The following GRIK1 variants were observed in gnomAD, a reference collection of about 807,000 sequenced individuals.
GRIK1 encodes the protein glutamate ionotropic receptor kainate type subunit 1.
Under a neutral mutation model 105.7 loss-of-function variants are expected in GRIK1, and 69 were observed. The ratio of observed to expected loss-of-function variants is 0.65; its 90% CI spans 0.54 to 0.80. GRIK1 has a LOEUF of 0.80. GRIK1 is among the 30% of genes least tolerant of loss of function. The pLI is 0.00. For synonymous variants in GRIK1, 438 were observed against 431.3 expected, an observed-to-expected ratio of 1.02 and a Z score of -0.19; for missense variants, 1,109 against 1,167.3, an observed-to-expected ratio of 0.95 and a Z score of 0.73.
intron 1 of GRIK1, among the ~76,000 whole-genome samples, chr21:29,840,017 T>A (rs1346859756): frequency 6.6e-6 from 1 of 152,164 alleles, no homozygotes; most frequent in Non-Finnish European, 1.5e-5. Context: ...TAATGGTCAG[T>A]GATGCTCAAG....
At chr21:29,875,399 T>C (rs1452247830) in intron 1 of GRIK1, among the ~76,000 whole-genome samples, 1 of 152,164 alleles carries the variant, frequency 6.6e-6, no homozygotes, top group Non-Finnish European at 1.5e-5. Context: ...AGTGGTCTTG[T>C]TTTCAATTTC....
intron 7 of GRIK1, among the ~76,000 whole-genome samples, chr21:29,614,567 C>T (rs1465312754): frequency 1.3e-5 from 2 of 150,966 alleles, no homozygotes; most frequent in Non-Finnish European, 2.9e-5. Flanking sequence ...GCATGCAACA[C>T]TACATCCAGC....
intron 14 of GRIK1, among the ~76,000 whole-genome samples, chr21:29,576,316 G>C (rs1313767096): frequency 6.6e-6 from 1 of 152,176 alleles, no homozygotes; most frequent in Non-Finnish European, 1.5e-5. Context: ...CCTCAACAAT[G>C]AAATGCCCTT....
Position 29,869,835 on chromosome 21 carries a change from T to G in GRIK1, c.118+69548A>C, listed in dbSNP as rs147668217. Among the ~76,000 whole-genome samples, 3 of 152,332 alleles carry G rather than the reference T, an allele frequency of 2.0e-5. No homozygotes were observed. In the East Asian group the frequency reaches 5.8e-4, roughly 29 times the overall value. On this transcript the variant is annotated intron_variant, in intron 1 of 17. Coordinates refer to ENST00000327783, the MANE Select transcript of GRIK1 (RefSeq NM_001330994.2). ...CCACAGCTAGTAACCACTAACTTAATTACACTGTATTTTCTCACAATCTAT... is the reference window on the plus strand; with the variant it reads ...CCACAGCTAGTAACCACTAACTTAAGTACACTGTATTTTCTCACAATCTAT...
intron 7 of GRIK1, among the ~76,000 whole-genome samples, chr21:29,614,703 G>A (rs968596749): frequency 9.9e-5 from 15 of 151,372 alleles, no homozygotes; most frequent in African/African-American, 2.9e-4. Flanking sequence ...ATGAGCCACC[G>A]CGCCCAGCCC....
At chr21:29,622,194 G>A (rs561446890) in intron 7 of GRIK1, among the ~76,000 whole-genome samples, 4 of 152,140 alleles carry the variant, frequency 2.6e-5, no homozygotes, top group South Asian at 2.1e-4. Flanking sequence ...TGATCCACCC[G>A]TCTCAGCCTC....
Position 29,537,039 on chromosome 21 carries a change from A to T in GRIK1, c.*191T>A. 2.7e-6 allele frequency: 1 copy of T among 374,878 alleles called. No homozygotes were observed. Among genetic ancestry groups the T allele is most frequent in the Non-Finnish European group, 4.8e-6 (1 of 209,434 alleles). 23.2% of individuals were successfully genotyped at this position (374,878 alleles called of 1,614,324 possible). A position where few individuals can be genotyped will look rare whatever the true frequency, so the allele number is the denominator to read the frequency against. Reference sequence around the variant, plus strand: ...ATAATTGAGCATACAAATTTATTTTAAAAGAACTGGTGTCACTTCCCAAGT... The same window carrying T: ...ATAATTGAGCATACAAATTTATTTTTAAAGAACTGGTGTCACTTCCCAAGT... On this transcript the variant is annotated 3_prime_UTR_variant, in exon 18 of 18. Coordinates refer to ENST00000327783, the MANE Select transcript of GRIK1 (RefSeq NM_001330994.2).
intron 7 of GRIK1, among the ~76,000 whole-genome samples, chr21:29,620,481 A>T (rs1412931271): frequency 6.6e-6 from 1 of 152,116 alleles, no homozygotes; most frequent in Non-Finnish European, 1.5e-5. Context: ...TTTAAACTTC[A>T]TTGAAATAGA....
At chr21:29,702,939 T>C (rs893657155) in intron 1 of GRIK1, among the ~76,000 whole-genome samples, 2 of 152,278 alleles carry the variant, frequency 1.3e-5, no homozygotes, top group Non-Finnish European at 2.9e-5. Context: ...TGGTGGTAAT[T>C]TGTGATGATA....
intron 1 of GRIK1, among the ~76,000 whole-genome samples, chr21:29,915,144 A>G (rs761094216): frequency 3.3e-5 from 5 of 151,976 alleles, no homozygotes; most frequent in Middle Eastern, 3.4e-3. Context: ...CAATCCATCT[A>G]TTCTGTTAAT....
chr21:29,620,802 T>TATATATAGATAGATAG (rs1276169939), intron 7 of GRIK1, among the ~76,000 whole-genome samples: 4 of 127,416 alleles, frequency 3.1e-5, no homozygotes, highest in South Asian at 2.4e-4. Flanking sequence ...TCTATATATA[T>TATATATAGATAGATAG]ATAGATATAT....
rs542576981 is a variant in GRIK1 at position 29,762,158 on chromosome 21, A to G, written c.119-68095T>C. Among the ~76,000 whole-genome samples the G allele has an allele frequency of 9.0e-4, 137 of 152,340 alleles. 1 individual carries two copies. The highest frequency in any genetic ancestry group is 2.7e-3 in the Admixed American group (41 of 15,306). On this transcript the variant is annotated intron_variant, in intron 1 of 17. Transcript: ENST00000327783. ...CAATGTTCACAGTTTCCTTCATGCAATGCTCTATCCTAGTTCAGGGGACAG... is the reference window on the plus strand; with the variant it reads ...CAATGTTCACAGTTTCCTTCATGCAGTGCTCTATCCTAGTTCAGGGGACAG...
chr21:29,924,594 A>C (rs984848061), intron 1 of GRIK1, among the ~76,000 whole-genome samples: 9 of 152,178 alleles, frequency 5.9e-5, no homozygotes, highest in Non-Finnish European at 1.2e-4. Context: ...TACCTATCTT[A>C]GCATTTACCT....
chr21:29,828,462 T>C (rs1260105818), intron 1 of GRIK1, among the ~76,000 whole-genome samples: 1 of 25,528 alleles, frequency 3.9e-5, no homozygotes, highest in Admixed American at 6.8e-4. Flanking sequence ...AATGCAGGAA[T>C]GGTGAAAGCA....
intron 1 of GRIK1, among the ~76,000 whole-genome samples, chr21:29,796,421 G>A (rs2066557072): frequency 6.6e-6 from 1 of 151,864 alleles, no homozygotes; most frequent in Non-Finnish European, 1.5e-5. Context: ...TATTTTAATT[G>A]TTAATTTTCA....
At chr21:29,864,072 C>T (rs555196764) in intron 1 of GRIK1, among the ~76,000 whole-genome samples, 24 of 152,066 alleles carry the variant, frequency 1.6e-4, no homozygotes, top group African/African-American at 5.8e-4. Context: ...TGGATCCTCC[C>T]TCATTCCAGT....
chr21:29,622,526 A>G (rs2062028871), intron 7 of GRIK1, among the ~76,000 whole-genome samples: 1 of 152,192 alleles, frequency 6.6e-6, no homozygotes, highest in Non-Finnish European at 1.5e-5. Context: ...TCCCTGGTCT[A>G]CAAGAGCCTG....
intron 1 of GRIK1, among the ~76,000 whole-genome samples, chr21:29,835,821 G>A (rs573561946): frequency 1.1e-4 from 16 of 151,996 alleles, no homozygotes; most frequent in South Asian, 4.2e-4. Context: ...TCATTTTGTC[G>A]TTGCTTTATA....
intron 1 of GRIK1, among the ~76,000 whole-genome samples, chr21:29,879,038 A>G (rs2069297458): frequency 6.6e-6 from 1 of 152,094 alleles, no homozygotes; most frequent in South Asian, 2.1e-4. Flanking sequence ...CAGCCACTCA[A>G]TGGTTGAAAG....
Sources: gnomAD v4.1 joint callset for allele counts (sites outside exome capture counted in the v4.1 genomes callset) on GRCh38, gnomAD v4.1.1 for gene constraint, MANE v1.5 for transcripts, NCBI Gene and HGNC (gene_info 2026-07-23, HGNC 2026-07-21) for gene names.